The following NDUFAF2 variants were observed in gnomAD, a reference collection of about 807,000 sequenced individuals.
NDUFAF2 encodes NADH dehydrogenase [ubiquinone] 1 alpha subcomplex assembly factor 2.
A neutral mutation model predicts 22.8 loss-of-function variants in NDUFAF2; 13 were observed. That is an observed-to-expected ratio of 0.57 (90% CI 0.37 to 0.91). The LOEUF (loss-of-function observed/expected upper bound fraction) is 0.91. NDUFAF2 is among the 40% of genes least tolerant of loss of function. The pLI is 0.01. For synonymous variants in NDUFAF2, 53 were observed against 64.2 expected (o/e 0.83, Z 0.84); for missense variants, 162 against 195.2 (o/e 0.83, Z 1.01).
intron 1 of NDUFAF2, among the ~76,000 whole-genome samples, chr5:61,018,042 G>A (rs1751534846): frequency 6.6e-6 from 1 of 152,128 alleles, no homozygotes; most frequent in Admixed American, 6.5e-5. Flanking sequence ...GTGAGCCACT[G>A]CATCCTCATA....
chr5:60,994,699 T>C (rs1380708414), intron 1 of NDUFAF2, among the ~76,000 whole-genome samples: 1 of 152,258 alleles, frequency 6.6e-6, no homozygotes, highest in Non-Finnish European at 1.5e-5. Flanking sequence ...CTTGGTGTTC[T>C]ATAACCTTCT....
At chr5:61,006,054 G>A (rs900732267) in intron 1 of NDUFAF2, among the ~76,000 whole-genome samples, 1 of 152,008 alleles carries the variant, frequency 6.6e-6, no homozygotes. Flanking sequence ...AGGTTTTCTT[G>A]TAGGGTTTTT....
intron 1 of NDUFAF2, among the ~76,000 whole-genome samples, chr5:61,044,699 CCAA>C (rs1473726918): frequency 2.0e-5 from 3 of 152,020 alleles, no homozygotes; most frequent in African/African-American, 7.3e-5. Flanking sequence ...TGTTTTTATG[CCAA>C]TACCATGCTG....
intron 3 of NDUFAF2, among the ~76,000 whole-genome samples, chr5:61,150,481 A>C (rs1286927508): frequency 6.6e-6 from 1 of 152,194 alleles, no homozygotes; most frequent in Admixed American, 6.5e-5. Flanking sequence ...CTATTATAAG[A>C]AAGTCTTAGA....
At position 61,113,839 on chromosome 5, in the gene NDUFAF2, A is replaced by G. The variant is rs140754885; in HGVS notation, c.258+14807A>G. 2.6e-3 allele frequency among the ~76,000 whole-genome samples: 390 copies of G among 151,830 alleles called. 1 individual carries two copies. The highest frequency in any genetic ancestry group is 9.0e-3 in the African/African-American group (372 of 41,418). On this transcript the variant is annotated intron_variant, in intron 3 of 3. Transcript: ENST00000296597. Reference sequence around the variant, plus strand: ...AAGTTTTTTTTTTTCCCTTCAGTACATTAAATGTGTCATGCCACTCTCTCC... The same window carrying G: ...AAGTTTTTTTTTTTCCCTTCAGTACGTTAAATGTGTCATGCCACTCTCTCC...
chr5:61,136,039 A>ATATATATATATATATATATATCTATC (rs1367597510), intron 3 of NDUFAF2, among the ~76,000 whole-genome samples: 1 of 103,426 alleles, frequency 9.7e-6, no homozygotes, highest in African/African-American at 3.7e-5. Flanking sequence ...ATATATATAT[A>ATATATATATATATATATATATCTATC]TATCTAGGGT....
intron 1 of NDUFAF2, among the ~76,000 whole-genome samples, chr5:60,964,734 G>T (rs2112569540): frequency 6.6e-6 from 1 of 152,216 alleles, no homozygotes; most frequent in East Asian, 1.9e-4. Context: ...TTACAGGTGT[G>T]AACTACCGCG....
At chr5:61,119,156 C>A (rs971615021) in intron 3 of NDUFAF2, among the ~76,000 whole-genome samples, 1 of 152,140 alleles carries the variant, frequency 6.6e-6, no homozygotes, top group East Asian at 1.9e-4. Flanking sequence ...GAGGAATTGT[C>A]ACAGTAATGT....
chr5:61,016,192 A>T (rs5868259), intron 1 of NDUFAF2, among the ~76,000 whole-genome samples: 63,906 of 151,012 alleles, frequency 0.42, 14,269 homozygotes, highest in East Asian at 0.81. Context: ...CTAAAAAAAA[A>T]ATATATATAT....
chr5:60,988,114 T>G (rs1385953007), intron 1 of NDUFAF2, among the ~76,000 whole-genome samples: 1 of 152,060 alleles, frequency 6.6e-6, no homozygotes, highest in East Asian at 1.9e-4. Context: ...GTACAAAAAT[T>G]AGTAGCATTT....
chr5:61,031,613 T>C (rs1248474224), intron 1 of NDUFAF2, among the ~76,000 whole-genome samples: 3 of 151,990 alleles, frequency 2.0e-5, no homozygotes, highest in Non-Finnish European at 4.4e-5. Context: ...ATTTTCTTTA[T>C]CCAGTCTATC....
intron 2 of NDUFAF2, among the ~76,000 whole-genome samples, chr5:61,089,887 T>C (rs1419293949): frequency 6.6e-6 from 1 of 152,106 alleles, no homozygotes; most frequent in African/African-American, 2.4e-5. Flanking sequence ...TTGGAATTTT[T>C]TTAATGATTT....
intron 3 of NDUFAF2, among the ~76,000 whole-genome samples, chr5:61,128,007 A>G (rs1460849787): frequency 6.6e-6 from 1 of 152,196 alleles, no homozygotes; most frequent in African/African-American, 2.4e-5. Context: ...CCAATAACAG[A>G]CAAACAGAGG....
chr5:61,074,053 TG>T (rs781348197), intron 2 of NDUFAF2, among the ~76,000 whole-genome samples: 175 of 152,340 alleles, frequency 1.1e-3, no homozygotes, highest in Middle Eastern at 3.4e-3. Flanking sequence ...GAGTTCAAAA[TG>T]GCACCTCATA....
intron 1 of NDUFAF2, among the ~76,000 whole-genome samples, chr5:61,067,387 C>T (rs1752244046): frequency 6.7e-6 from 1 of 149,762 alleles, no homozygotes; most frequent in Non-Finnish European, 1.5e-5. Flanking sequence ...TCAATTCCCA[C>T]CTATGAGTGA....
chr5:61,151,632 G>T (rs1375797487), intron 3 of NDUFAF2, among the ~76,000 whole-genome samples: 1 of 151,914 alleles, frequency 6.6e-6, no homozygotes, highest in Non-Finnish European at 1.5e-5. Flanking sequence ...TACAAAATTA[G>T]CTGGGTGTGG....
chr5:61,034,910 ATATGTGTGTGTG>A (rs1166925115), intron 1 of NDUFAF2, among the ~76,000 whole-genome samples: 1 of 89,408 alleles, frequency 1.1e-5, no homozygotes, highest in Non-Finnish European at 2.3e-5. Flanking sequence ...AGGCAAATAT[ATATGTGTGTGTG>A]TGTGTGTGTG....
At chr5:60,997,779 G>T (rs1453487047) in intron 1 of NDUFAF2, among the ~76,000 whole-genome samples, 1 of 152,064 alleles carries the variant, frequency 6.6e-6, no homozygotes, top group African/African-American at 2.4e-5. Flanking sequence ...ATTGTGCTTG[G>T]ATTCCCTCCC....
At chr5:61,008,445 A>G in intron 1 of NDUFAF2, among the ~76,000 whole-genome samples, 1 of 152,134 alleles carries the variant, frequency 6.6e-6, no homozygotes, top group Non-Finnish European at 1.5e-5. Flanking sequence ...ATAACATCCA[A>G]AATTTGTATG....
Sources: allele counts gnomAD v4.1 joint callset (sites outside exome capture counted in the v4.1 genomes callset), GRCh38; gene constraint gnomAD v4.1.1; transcripts MANE v1.5; gene names NCBI Gene and HGNC (gene_info 2026-07-23, HGNC 2026-07-21).